Variants in GALNTL6 observed in about 807,000 individuals in gnomAD.
The protein encoded by GALNTL6 is polypeptide N-acetylgalactosaminyltransferase like 6.
In GALNTL6, 46 loss-of-function variants were observed where a neutral mutation model predicts 73.7. The ratio of observed to expected loss-of-function variants is 0.62; its 90% CI spans 0.49 to 0.80. GALNTL6 has a LOEUF of 0.80. GALNTL6 is among the 30% of genes least tolerant of loss of function. GALNTL6 has a pLI of 0.00. For missense variants in GALNTL6, 604 were observed against 755.0 expected (o/e 0.80, Z 2.34); for synonymous variants, 259 against 263.7 (o/e 0.98, Z 0.17).
intron 2 of GALNTL6, among the ~76,000 whole-genome samples, chr4:172,190,976 A>G (rs1343965153): frequency 1.3e-5 from 2 of 152,248 alleles, no homozygotes; most frequent in Middle Eastern, 6.8e-3. Context: ...GTCTGCTTCC[A>G]TTGTCATATT....
At chr4:171,928,403 C>T (rs11931247) in intron 2 of GALNTL6, among the ~76,000 whole-genome samples, 35,439 of 152,106 alleles carry the variant, frequency 0.23, 4,421 homozygotes, top group African/African-American at 0.32. Context: ...ACTCCAGTGC[C>T]TGGAGGCTAG....
chr4:172,557,171 AT>A (rs1736178452), intron 5 of GALNTL6, among the ~76,000 whole-genome samples: 1 of 152,180 alleles, frequency 6.6e-6, no homozygotes, highest in South Asian at 2.1e-4. Context: ...GAAAAATTGC[AT>A]GAGTTCAAGT....
chr4:172,203,809 C>T (rs749653206), intron 2 of GALNTL6, among the ~76,000 whole-genome samples: 8 of 152,106 alleles, frequency 5.3e-5, no homozygotes, highest in South Asian at 4.1e-4. Context: ...TGCAATGGCA[C>T]AGTCTTGGCT....
intron 5 of GALNTL6, among the ~76,000 whole-genome samples, chr4:172,438,413 C>T (rs1731713217): frequency 6.6e-6 from 1 of 152,010 alleles, no homozygotes; most frequent in South Asian, 2.1e-4. Flanking sequence ...TACTTGGTCC[C>T]ACTACAACCT....
chr4:172,163,250 CT>C (rs1261720627), intron 2 of GALNTL6, among the ~76,000 whole-genome samples: 2 of 151,976 alleles, frequency 1.3e-5, no homozygotes, highest in Non-Finnish European at 2.9e-5. Flanking sequence ...CCTCTCTAGC[CT>C]TACGTGCAAC....
intron 5 of GALNTL6, among the ~76,000 whole-genome samples, chr4:172,501,108 A>G (rs1168706181): frequency 6.6e-6 from 1 of 152,240 alleles, no homozygotes; most frequent in Non-Finnish European, 1.5e-5. Flanking sequence ...AAATGAGTAC[A>G]TGCATAACTG....
chr4:172,209,219 T>C (rs183607323), intron 2 of GALNTL6, among the ~76,000 whole-genome samples: 1 of 152,228 alleles, frequency 6.6e-6, no homozygotes, highest in East Asian at 1.9e-4. Context: ...AAACTTCTGA[T>C]GTGAACAATT....
chr4:172,165,481 A>G (rs1436663631), intron 2 of GALNTL6, among the ~76,000 whole-genome samples: 3 of 152,210 alleles, frequency 2.0e-5, no homozygotes, highest in Admixed American at 2.0e-4. Context: ...AGAGAAACAC[A>G]TTCAATGACT....
At chr4:172,927,681 A>C (rs1326932588) in intron 8 of GALNTL6, among the ~76,000 whole-genome samples, 1 of 152,080 alleles carries the variant, frequency 6.6e-6, no homozygotes. Context: ...TAAAACCCCA[A>C]GTAAAGGTAT....
chr4:172,128,841 C>CT (rs1040486897), intron 2 of GALNTL6, among the ~76,000 whole-genome samples: 3 of 152,098 alleles, frequency 2.0e-5, no homozygotes, highest in Non-Finnish European at 1.5e-5. Flanking sequence ...TATTTGCAGG[C>CT]TTTTTTCCCC....
At chr4:172,541,337 C>CA (rs918625953) in intron 5 of GALNTL6, among the ~76,000 whole-genome samples, 15 of 152,018 alleles carry the variant, frequency 9.9e-5, no homozygotes, top group African/African-American at 3.6e-4. Context: ...TGCTTAAACT[C>CA]AAAAAGGGAG....
At chr4:172,676,738 T>G (rs1732323821) in intron 5 of GALNTL6, among the ~76,000 whole-genome samples, 1 of 152,216 alleles carries the variant, frequency 6.6e-6, no homozygotes, top group African/African-American at 2.4e-5. Flanking sequence ...ACATCTCATT[T>G]TTATAACTTC....
intron 7 of GALNTL6, among the ~76,000 whole-genome samples, chr4:172,839,495 A>G (rs11930252): frequency 0.049 from 7,481 of 152,266 alleles, 339 homozygotes; most frequent in Admixed American, 0.12. Context: ...ATGGCCACAT[A>G]GAGGTGTGAA....
intron 7 of GALNTL6, among the ~76,000 whole-genome samples, chr4:172,874,740 G>A (rs747937320): frequency 6.6e-6 from 1 of 152,226 alleles, no homozygotes; most frequent in Non-Finnish European, 1.5e-5. Context: ...AAGGTGACAC[G>A]ATGGCGTCTG....
chr4:172,385,608 G>A (rs942002168), intron 5 of GALNTL6, among the ~76,000 whole-genome samples: 1 of 151,596 alleles, frequency 6.6e-6, no homozygotes, highest in African/African-American at 2.4e-5. Flanking sequence ...GTTACTGTTT[G>A]TATAGTATAT....
chr4:172,088,165 A>T (rs1247029129), intron 2 of GALNTL6, among the ~76,000 whole-genome samples: 1 of 152,158 alleles, frequency 6.6e-6, no homozygotes, highest in African/African-American at 2.4e-5. Flanking sequence ...TTTCAAAATC[A>T]TGCTACATAA....
intron 7 of GALNTL6, among the ~76,000 whole-genome samples, chr4:172,838,150 G>T (rs555602918): frequency 1.3e-5 from 2 of 151,898 alleles, no homozygotes; most frequent in East Asian, 1.9e-4. Context: ...TTGAGAGATG[G>T]GGGGGCACAG....
At chr4:172,983,272 G>A (rs1751151385) in intron 10 of GALNTL6, among the ~76,000 whole-genome samples, 1 of 152,212 alleles carries the variant, frequency 6.6e-6, no homozygotes, top group Admixed American at 6.5e-5. Flanking sequence ...AGGAAGCACA[G>A]CCCTGCCGAC....
intron 2 of GALNTL6, among the ~76,000 whole-genome samples, chr4:171,927,063 T>G (rs1361898098): frequency 1.3e-5 from 2 of 152,066 alleles, no homozygotes; most frequent in Non-Finnish European, 2.9e-5. Context: ...GGGTGGTGAT[T>G]TTTTTCTTTG....
Sources: allele counts gnomAD v4.1 joint callset (sites outside exome capture counted in the v4.1 genomes callset), GRCh38; gene constraint gnomAD v4.1.1; transcripts MANE v1.5; gene names NCBI Gene and HGNC (gene_info 2026-07-23, HGNC 2026-07-21).